Variants in SLC36A4 observed in about 807,000 individuals in gnomAD.
SLC36A4 encodes solute carrier family 36 member 4.
Under a neutral mutation model 50.5 loss-of-function variants are expected in SLC36A4, and 49 were observed. That is an observed-to-expected ratio of 0.97 (90% CI 0.77 to 1.23). The LOEUF (loss-of-function observed/expected upper bound fraction) is 1.23. Ranked by LOEUF, SLC36A4 falls within the 50% of genes most tolerant of loss-of-function variation. The pLI, the probability that SLC36A4 is intolerant of heterozygous loss-of-function variation, is 0.00. For synonymous variants in SLC36A4, 207 were observed against 206.5 expected, an observed-to-expected ratio of 1.00 and a Z score of -0.02; for missense variants, 611 against 608.4, an observed-to-expected ratio of 1.00 and a Z score of -0.05.
intron 8 of SLC36A4, 124 bp from the exon 9 acceptor site, chr11:93,162,999 A>G (rs1489879407): frequency 4.2e-6 from 3 of 716,466 alleles, no homozygotes; most frequent in Non-Finnish European, 6.8e-6. Flanking sequence ...TAAAACACAT[A>G]TAATTGTTGA....
intron 6 of SLC36A4, chr11:93,171,526 A>T (rs1861133787): frequency 1.3e-5 from 2 of 152,122 alleles, no homozygotes; most frequent in Non-Finnish European, 2.9e-5. Flanking sequence ...AAATGAGCAT[A>T]GTACTTACTT....
chr11:93,174,726 C>T (rs1461917597), intron 6 of SLC36A4, among the ~76,000 whole-genome samples: 8 of 143,812 alleles, frequency 5.6e-5, no homozygotes, highest in Non-Finnish European at 7.6e-5. Flanking sequence ...TTGTCTTTGG[C>T]TCTGTTTATA....
chr11:93,188,556 T>C (rs1862085611), intron 1 of SLC36A4, among the ~76,000 whole-genome samples: 1 of 152,162 alleles, frequency 6.6e-6, no homozygotes, highest in Admixed American at 6.5e-5. Context: ...TCTCCATACA[T>C]TGTTTTGTAG....
At chr11:93,186,089 G>C (rs896152076) in intron 1 of SLC36A4, among the ~76,000 whole-genome samples, 2 of 152,140 alleles carry the variant, frequency 1.3e-5, no homozygotes, top group African/African-American at 4.8e-5. Context: ...GAGGTTTATA[G>C]TAAATGATCA....
intron 9 of SLC36A4, chr11:93,155,014 T>C (rs1860285664): frequency 6.6e-6 from 1 of 152,118 alleles, no homozygotes; most frequent in Non-Finnish European, 1.5e-5. Flanking sequence ...ATGCATGTCT[T>C]GATAAAGACT....
intron 5 of SLC36A4, 39 bp downstream of exon 5, chr11:93,181,651 AT>A: frequency 7.2e-7 from 1 of 1,386,984 alleles, no homozygotes; most frequent in Non-Finnish European, 9.5e-7. Flanking sequence ...AATTAACATA[AT>A]TTTAACAATC....
chr11:93,181,816 A>G, intron 4 of SLC36A4, 30 bp from the exon 5 acceptor site: 1 of 1,506,596 alleles, frequency 6.6e-7, no homozygotes, highest in Non-Finnish European at 8.9e-7. Flanking sequence ...ATACAAAGGA[A>G]AAAAGAAAAA....
intron 1 of SLC36A4, among the ~76,000 whole-genome samples, chr11:93,194,334 T>C (rs1256352120): frequency 1.3e-5 from 2 of 151,722 alleles, no homozygotes; most frequent in Non-Finnish European, 2.9e-5. Flanking sequence ...AAAGTAGAAA[T>C]AGTTTCATTT....
intron 6 of SLC36A4, among the ~76,000 whole-genome samples, chr11:93,170,729 T>C (rs1354671639): frequency 6.6e-6 from 1 of 152,012 alleles, no homozygotes; most frequent in African/African-American, 2.4e-5. Context: ...TATCTTAGAG[T>C]AAGAACAGAG....
chr11:93,161,425 T>C (rs1293260030), intron 9 of SLC36A4, among the ~76,000 whole-genome samples: 1 of 152,242 alleles, frequency 6.6e-6, no homozygotes, highest in Non-Finnish European at 1.5e-5. Context: ...AATACATTTA[T>C]GTTAGCTGAA....
Position 93,147,736 on chromosome 11 carries a change from C to T in SLC36A4, c.*801G>A, listed in dbSNP as rs2134618790. 6.6e-6 allele frequency: 1 copy of T among 152,188 alleles called. No individual in the cohort carries two copies. The highest frequency in any genetic ancestry group is 2.4e-5 in the African/African-American group (1 of 41,556). The allele number at this position is 152,188 out of a possible 1,614,324, so 9.4% of individuals were successfully genotyped here. On this transcript the variant is annotated 3_prime_UTR_variant, in exon 11 of 11. Coordinates refer to ENST00000326402, the MANE Select transcript of SLC36A4 (RefSeq NM_152313.4). The stretch of plus-strand genomic sequence containing the variant: ...CTTGGACATGATGTGAGAAATAAAA[C>T]ATCCTGGCCTGGGAGTCAGAAGATT...
intron 6 of SLC36A4, among the ~76,000 whole-genome samples, chr11:93,173,081 A>G (rs1861258543): frequency 3.3e-5 from 4 of 122,314 alleles, no homozygotes; most frequent in African/African-American, 9.3e-5. Context: ...AAGTGTTCCT[A>G]TTTCTCCACA....
Position 93,195,398 on chromosome 11 carries a change from AAAT to A in SLC36A4, c.55+2377_55+2379del, listed in dbSNP as rs565472172. 1.9e-3 allele frequency among the ~76,000 whole-genome samples: 285 copies of A among 152,138 alleles called. 1 individual carries two copies. The highest frequency in any genetic ancestry group is 0.017 in the Middle Eastern group (5 of 294). The stretch of plus-strand genomic sequence containing the variant: ...TCTAACCCTCACCCATTCTGTCAGG[AAAT>A]CACACTGGTTCTTTCAAAATATACC... On this transcript the variant is annotated intron_variant, in intron 1 of 10. Coordinates refer to ENST00000326402, the MANE Select transcript of SLC36A4 (RefSeq NM_152313.4).
intron 2 of SLC36A4, 136 bp from the exon 3 acceptor site, chr11:93,184,656 G>T (rs1005442425): frequency 3.4e-6 from 2 of 594,048 alleles, no homozygotes; most frequent in South Asian, 4.2e-5. Flanking sequence ...CCACCACTGG[G>T]CCAGAAGTCA....
At chr11:93,183,605 T>A (rs1410040167) in intron 3 of SLC36A4, among the ~76,000 whole-genome samples, 1 of 152,120 alleles carries the variant, frequency 6.6e-6, no homozygotes, top group African/African-American at 2.4e-5. Context: ...CTATCAAGGT[T>A]CTCTGCAATT....
At chr11:93,183,737 G>A (rs1037143485) in intron 3 of SLC36A4, among the ~76,000 whole-genome samples, 3 of 149,996 alleles carry the variant, frequency 2.0e-5, no homozygotes, top group East Asian at 2.0e-4. Flanking sequence ...TTGCTCTGTC[G>A]CCCAGGCTGG....
rs1860240120 is a variant in SLC36A4, at chr11:93,154,207, G to A, written c.1108C>T (p.Pro370Ser). 1 of 1,552,984 alleles carries A rather than the reference G, an allele frequency of 6.4e-7. No homozygotes were observed. Among genetic ancestry groups the A allele is most frequent in the South Asian group, 1.3e-5 (1 of 77,316 alleles). The change falls in exon 10 of 11, where the codon CCA (proline) becomes TCA (serine). Residue 370 changes from proline (P) to serine (S), a missense_variant. Physicochemically the swap from Pro to Ser is moderately conservative, Grantham distance 74. Coordinates refer to ENST00000326402, the MANE Select transcript of SLC36A4 (RefSeq NM_152313.4). ...FVTYSIQFYV[P>S]AEIIIPGITS... is the part of the protein sequence containing the mutation. ...ATCCCAGGGATAATGATCTCTGCTGGAACATAGAACTGAATTGAATATGTC... is the reference window on the plus strand; with the variant it reads ...ATCCCAGGGATAATGATCTCTGCTGAAACATAGAACTGAATTGAATATGTC...
At chr11:93,161,097 C>A (rs1359158478) in intron 9 of SLC36A4, among the ~76,000 whole-genome samples, 1 of 152,160 alleles carries the variant, frequency 6.6e-6, no homozygotes, top group Admixed American at 6.5e-5. Context: ...ACCTTTTCCT[C>A]CCAAAGCACT....
At chr11:93,165,831 A>T (rs1470255526) in intron 8 of SLC36A4, 87 bp downstream of exon 8, 2 of 771,044 alleles carry the variant, frequency 2.6e-6, no homozygotes, top group Non-Finnish European at 3.9e-6. Context: ...AAAAAGAAAA[A>T]TATGCAATTT....
Sources: gnomAD v4.1 joint callset for allele counts (sites outside exome capture counted in the v4.1 genomes callset) on GRCh38, gnomAD v4.1.1 for gene constraint, MANE v1.5 for transcripts, NCBI Gene and HGNC (gene_info 2026-07-23, HGNC 2026-07-21) for gene names.